Variants in DNAH3 observed in about 807,000 individuals in gnomAD.
DNAH3 encodes the protein dynein axonemal heavy chain 3.
A neutral mutation model predicts 432.5 loss-of-function variants in DNAH3; 332 were observed. That is an observed-to-expected ratio of 0.77 (90% CI 0.70 to 0.84). The LOEUF is 0.84. Among genes scored for constraint, DNAH3 ranks in the 40% least tolerant of loss-of-function variants. The pLI, the probability that DNAH3 is intolerant of heterozygous loss-of-function variation, is 0.00. For missense variants in DNAH3, 4,861 were observed against 5,114.0 expected (o/e 0.95, Z 1.51); for synonymous variants, 1,956 against 1,900.2 (o/e 1.03, Z -0.76).
intron 51 of DNAH3, among the ~76,000 whole-genome samples, chr16:20,972,400 T>C (rs1424337620): frequency 6.6e-6 from 1 of 152,036 alleles, no homozygotes; most frequent in African/African-American, 2.4e-5. Flanking sequence ...CCAATTTTTT[T>C]CTTTTTAGTT....
intron 1 of DNAH3, among the ~76,000 whole-genome samples, chr16:21,153,490 AG>A (rs2092876095): frequency 1.3e-5 from 2 of 152,234 alleles, no homozygotes; most frequent in African/African-American, 4.8e-5. Flanking sequence ...TCTACCAATC[AG>A]CAGGATGTGG....
At chr16:21,013,362 T>C (rs2087699804) in intron 41 of DNAH3, among the ~76,000 whole-genome samples, 1 of 144,310 alleles carries the variant, frequency 6.9e-6, no homozygotes. Flanking sequence ...TCCCATCTGT[T>C]AAAAAAAAAA....
chr16:20,968,087 G>C (rs1402346103), intron 52 of DNAH3, among the ~76,000 whole-genome samples: 2 of 152,130 alleles, frequency 1.3e-5, no homozygotes, highest in Non-Finnish European at 2.9e-5. Flanking sequence ...TTTCTTTCTT[G>C]AGACAGGGTC....
chr16:21,078,275 CAAAAAAAA>C (rs1202846920), intron 20 of DNAH3, among the ~76,000 whole-genome samples: 9 of 83,868 alleles, frequency 1.1e-4, no homozygotes, highest in Non-Finnish European at 2.1e-4. Context: ...AATTCCGTCT[CAAAAAAAA>C]AAAAAAAAAA....
chr16:21,066,899 A>T (rs77578182), intron 24 of DNAH3, among the ~76,000 whole-genome samples: 14,426 of 152,182 alleles, frequency 0.095, 815 homozygotes, highest in South Asian at 0.19. Flanking sequence ...TTATATCCCA[A>T]ATTTACGGTG....
At position 21,048,657 on chromosome 16, in the gene DNAH3, G is replaced by C. The variant is rs536579317; in HGVS notation, c.4461+912C>G. Among the ~76,000 whole-genome samples, 5 of 151,908 alleles carry C rather than the reference G, an allele frequency of 3.3e-5. No homozygotes were observed. The South Asian group carries it at 1.0e-3, about 32-fold the overall frequency. On this transcript the variant is annotated intron_variant, in intron 31 of 61. Coordinates refer to ENST00000261383, the Ensembl canonical transcript of DNAH3. ...GTCTTCTTCGTCGCTCACGCTGGGA[G>C]CTGTAGACCGGAGCTGTTCCTATTC...
intron 53 of DNAH3, among the ~76,000 whole-genome samples, chr16:20,960,631 A>G (rs71374844): frequency 0.079 from 11,968 of 152,134 alleles, 556 homozygotes; most frequent in East Asian, 0.17. Flanking sequence ...GAACCTGGGA[A>G]GAGGCGGAGG....
intron 25 of DNAH3, among the ~76,000 whole-genome samples, chr16:21,061,231 C>CTTTTT (rs11383667): frequency 2.9e-5 from 3 of 102,826 alleles, no homozygotes; most frequent in Admixed American, 1.3e-4. Context: ...GGCGATAGGC[C>CTTTTT]TTTTTTTTTT....
At chr16:20,985,593 T>C (rs1215452182) in exon 48 of DNAH3, 12 of 1,614,120 alleles carry the variant, frequency 7.4e-6, no homozygotes, top group South Asian at 2.2e-5. Flanking sequence ...CAGTCAGCTG[T>C]TTCAGGTCAG....
intron 7 of DNAH3, among the ~76,000 whole-genome samples, chr16:21,129,064 G>C (rs2092502985): frequency 6.6e-6 from 1 of 152,016 alleles, no homozygotes; most frequent in Admixed American, 6.6e-5. Context: ...CAGAGTAAAA[G>C]CGTGCCTAGT....
intron 24 of DNAH3, among the ~76,000 whole-genome samples, chr16:21,065,742 A>T (rs1350204174): frequency 6.6e-6 from 1 of 152,254 alleles, no homozygotes; most frequent in African/African-American, 2.4e-5. Flanking sequence ...ATTGGACAGT[A>T]CGGACAAAGA....
At chr16:20,951,444 C>CT (rs746116786) in intron 56 of DNAH3, among the ~76,000 whole-genome samples, 170 of 144,096 alleles carry the variant, frequency 1.2e-3, no homozygotes, top group Non-Finnish European at 1.4e-3. Flanking sequence ...ACTATGTTAC[C>CT]TTTTTTTTTT....
exon 23 of DNAH3, chr16:21,069,426 T>C: frequency 6.2e-7 from 1 of 1,614,012 alleles, no homozygotes; most frequent in Non-Finnish European, 8.5e-7. Flanking sequence ...GCTTGGGACA[T>C]AAGTGATTTC....
At position 20,935,489 on chromosome 16, in the gene DNAH3, G is replaced by A. The variant is rs771858577; in HGVS notation, c.11860-4C>T. 5.0e-6 allele frequency: 8 copies of A among 1,608,978 alleles called. No individual in the cohort carries two copies. Among genetic ancestry groups the A allele is most frequent in the Non-Finnish European group, 6.8e-6 (8 of 1,178,964 alleles). ...GGGGCCCCTTGTCAATCCATTCCTG[G>A]AGAGCCACAGAAATCAAGATTCAAA... On this transcript the variant is annotated splice_region_variant and splice_polypyrimidine_tract_variant and intron_variant, in intron 60 of 61. Transcript: ENST00000261383.
At chr16:21,117,293 A>C in exon 12 of DNAH3, 1 of 1,611,804 alleles carries the variant, frequency 6.2e-7, no homozygotes, top group South Asian at 1.1e-5. Flanking sequence ...AACAGTTCCA[A>C]GGAGCAGATT....
chr16:20,963,142 T>C, intron 53 of DNAH3, 142 bp downstream of exon 53: 1 of 767,258 alleles, frequency 1.3e-6, no homozygotes, highest in Non-Finnish European at 2.1e-6. Flanking sequence ...AAGGACGAGT[T>C]CCGTGGCTCC....
chr16:21,139,445 G>A (rs191364921), intron 5 of DNAH3, among the ~76,000 whole-genome samples: 1 of 147,130 alleles, frequency 6.8e-6, no homozygotes, highest in South Asian at 2.2e-4. Flanking sequence ...CAAGGGATAG[G>A]TTGTCTTGTC....
At chr16:21,053,134 T>A (rs952315197) in intron 28 of DNAH3, among the ~76,000 whole-genome samples, 6 of 152,242 alleles carry the variant, frequency 3.9e-5, no homozygotes, top group Non-Finnish European at 8.8e-5. Flanking sequence ...CTCAGAAACG[T>A]CACTTTTCAA....
rs770031750 is a variant in DNAH3 at position 21,140,724 on chromosome 16, A to C, written c.522-14T>G. The C allele has an allele frequency of 4.3e-6, 7 of 1,613,504 alleles. No homozygotes were observed. The South Asian group carries it at 7.7e-5, about 18-fold the overall frequency. On this transcript the variant is annotated splice_polypyrimidine_tract_variant and intron_variant, in intron 4 of 61. Transcript: ENST00000261383. ...GCCAACTTGATCCTGAAAAGTAGACACAGCTCAGCCCTTGGTGTTTGGTTC... is the reference window on the plus strand; with the variant it reads ...GCCAACTTGATCCTGAAAAGTAGACCCAGCTCAGCCCTTGGTGTTTGGTTC...
Sources: allele counts gnomAD v4.1 joint callset (sites outside exome capture counted in the v4.1 genomes callset), GRCh38; gene constraint gnomAD v4.1.1; transcripts MANE v1.5; gene names NCBI Gene and HGNC (gene_info 2026-07-23, HGNC 2026-07-21).